ASIC2: variants seen among roughly 807,000 people sequenced by gnomAD.
The protein encoded by ASIC2 is acid-sensing ion channel 2.
In ASIC2, 25 loss-of-function variants were observed where a neutral mutation model predicts 57.3. The observed-to-expected ratio is 0.44, with a 90% confidence interval of 0.32 to 0.61. ASIC2 has a LOEUF of 0.61. Among genes scored for constraint, ASIC2 ranks in the 20% least tolerant of loss-of-function variants. The pLI is 0.06. For synonymous variants in ASIC2, 319 were observed against 307.5 expected (o/e 1.04, Z -0.39); for missense variants, 641 against 738.1 (o/e 0.87, Z 1.52).
At chr17:33,816,411 T>C (rs1238941567) in intron 1 of ASIC2, among the ~76,000 whole-genome samples, 1 of 152,192 alleles carries the variant, frequency 6.6e-6, no homozygotes, top group Non-Finnish European at 1.5e-5. Flanking sequence ...TGATATATCA[T>C]ATATGTTAGC....
intron 1 of ASIC2, among the ~76,000 whole-genome samples, chr17:33,870,226 T>G (rs1914360940): frequency 1.4e-4 from 5 of 36,160 alleles, no homozygotes; most frequent in Non-Finnish European, 2.7e-4. Flanking sequence ...GAAATTCTGT[T>G]TTTTTTTTTT....
intron 1 of ASIC2, among the ~76,000 whole-genome samples, chr17:33,510,518 G>GCACCA (rs1289232422): frequency 6.6e-6 from 1 of 152,046 alleles, no homozygotes; most frequent in Non-Finnish European, 1.5e-5. Flanking sequence ...GGTGGTGCAT[G>GCACCA]CCACACCCAA....
At chr17:33,764,031 C>T (rs1055122372) in intron 1 of ASIC2, among the ~76,000 whole-genome samples, 6 of 152,114 alleles carry the variant, frequency 3.9e-5, no homozygotes, top group South Asian at 2.1e-4. Context: ...CCGTGGCTCG[C>T]GCCTGTAATC....
intron 1 of ASIC2, among the ~76,000 whole-genome samples, chr17:33,950,291 G>A (rs1904517203): frequency 1.3e-5 from 2 of 152,198 alleles, no homozygotes; most frequent in Admixed American, 6.5e-5. Flanking sequence ...CCGGGTAATT[G>A]GGCCTACTCC....
rs116627968 is a variant in ASIC2 at position 34,102,957 on chromosome 17, T to G, written c.555+53021A>C. ...CCCCAACCATTGTTGTGAGCTGATA[T>G]TTCATTGTTCAAGACTTTTGCTTAC... is the stretch of plus-strand genomic sequence containing the variant. On this transcript the variant is annotated intron_variant, in intron 1 of 9. Coordinates refer to the ASIC2 transcript ENST00000359872. 6.4e-3 allele frequency among the ~76,000 whole-genome samples: 977 copies of G among 152,366 alleles called. 15 individuals carry two copies. The highest frequency in any genetic ancestry group is 0.023 in the African/African-American group (943 of 41,578).
intron 1 of ASIC2, among the ~76,000 whole-genome samples, chr17:33,912,700 C>T (rs1270997342): frequency 4.0e-5 from 5 of 126,004 alleles, no homozygotes; most frequent in African/African-American, 1.5e-4. Flanking sequence ...TAGACTAGGG[C>T]CGGGTGAGGT....
chr17:33,173,174 C>T (rs896685169), intron 1 of ASIC2, among the ~76,000 whole-genome samples: 2 of 152,138 alleles, frequency 1.3e-5, no homozygotes, highest in African/African-American at 2.4e-5. Context: ...GAGGCAGACT[C>T]CCGAGTCTGA....
intron 1 of ASIC2, among the ~76,000 whole-genome samples, chr17:33,246,524 G>A (rs1365909815): frequency 6.6e-6 from 1 of 152,204 alleles, no homozygotes; most frequent in African/African-American, 2.4e-5. Flanking sequence ...TAGAAAGAAT[G>A]GGGTCGGGGA....
chr17:33,839,387 T>C (rs1264491914), intron 1 of ASIC2, among the ~76,000 whole-genome samples: 2 of 152,232 alleles, frequency 1.3e-5, no homozygotes, highest in East Asian at 3.8e-4. Context: ...CCACAGTTCC[T>C]AGCATTCTCC....
chr17:33,416,203 A>G (rs1910835320), intron 1 of ASIC2, among the ~76,000 whole-genome samples: 1 of 152,214 alleles, frequency 6.6e-6, no homozygotes, highest in Non-Finnish European at 1.5e-5. Flanking sequence ...TCACACACCC[A>G]TTTTATGAGG....
rs138772550 is a variant in ASIC2 at position 33,319,631 on chromosome 17, T to C, written c.556-207564A>G. On this transcript the variant is annotated intron_variant, in intron 1 of 9. Coordinates refer to the ASIC2 transcript ENST00000359872. ...GGGTATTCACCACCTCAAGCATTTA[T>C]CCTTTCTTTGTATTATAAACAATCC... Among the ~76,000 whole-genome samples, 152 of 152,366 alleles carry C rather than the reference T, an allele frequency of 1.0e-3. 1 individual carries two copies. Among genetic ancestry groups the C allele is most frequent in the African/African-American group, 3.6e-3 (150 of 41,582 alleles).
intron 1 of ASIC2, among the ~76,000 whole-genome samples, chr17:33,739,958 A>G (rs1385011958): frequency 9.8e-5 from 12 of 122,072 alleles, no homozygotes; most frequent in Non-Finnish European, 2.1e-4. Context: ...AAGAAAAAAG[A>G]GAAAGAAAAG....
At chr17:33,857,650 C>G (rs1018077387) in intron 1 of ASIC2, among the ~76,000 whole-genome samples, 1 of 152,186 alleles carries the variant, frequency 6.6e-6, no homozygotes, top group African/African-American at 2.4e-5. Context: ...GGGGCATGAA[C>G]TGTTCGAGGC....
At chr17:33,788,827 C>T (rs1911681652) in intron 1 of ASIC2, among the ~76,000 whole-genome samples, 1 of 152,086 alleles carries the variant, frequency 6.6e-6, no homozygotes, top group Non-Finnish European at 1.5e-5. Flanking sequence ...TGCATGTTCT[C>T]ACTCATAAGT....
intron 1 of ASIC2, among the ~76,000 whole-genome samples, chr17:34,143,310 A>C (rs775358230): frequency 6.6e-6 from 1 of 152,216 alleles, no homozygotes; most frequent in Non-Finnish European, 1.5e-5. Context: ...ATATTGGTAC[A>C]TGCTATGGTT....
chr17:33,774,584 C>A (rs1305334064), intron 1 of ASIC2, among the ~76,000 whole-genome samples: 1 of 152,220 alleles, frequency 6.6e-6, no homozygotes, highest in African/African-American at 2.4e-5. Flanking sequence ...ATATCTGCAT[C>A]TGGAAAGCAA....
intron 1 of ASIC2, among the ~76,000 whole-genome samples, chr17:33,821,814 A>G (rs1186186146): frequency 6.6e-6 from 1 of 152,206 alleles, no homozygotes; most frequent in African/African-American, 2.4e-5. Context: ...CTTTATCTAA[A>G]GAGAAAGATC....
chr17:33,794,490 CA>C (rs1478107654), intron 1 of ASIC2: 1 of 152,158 alleles, frequency 6.6e-6, no homozygotes, highest in Non-Finnish European at 1.5e-5. Flanking sequence ...AATTGTGGGT[CA>C]GGGGTGATGC....
intron 1 of ASIC2, among the ~76,000 whole-genome samples, chr17:33,777,706 T>C (rs929981441): frequency 6.6e-6 from 1 of 152,190 alleles, no homozygotes; most frequent in East Asian, 1.9e-4. Flanking sequence ...AAAATGAATG[T>C]CCAGGTTAAT....
Sources: gnomAD v4.1 joint callset for allele counts (sites outside exome capture counted in the v4.1 genomes callset) on GRCh38, gnomAD v4.1.1 for gene constraint, MANE v1.5 for transcripts, NCBI Gene and HGNC (gene_info 2026-07-23, HGNC 2026-07-21) for gene names.